Variants in CATSPERT observed in about 807,000 individuals in gnomAD.
CATSPERT encodes the protein cation channel sperm-associated targeting subunit tau.
At chr2:201,547,631 T>A in the CATSPERT span, 4 of 1,348,868 alleles carry the variant, frequency 3.0e-6, no homozygotes, top group East Asian at 7.2e-5. Context: ...AAATAAGTTA[T>A]GAATGAAAAA....
At chr2:201,545,274 T>C in the CATSPERT span, among the ~76,000 whole-genome samples, 6 of 151,914 alleles carry the variant, frequency 3.9e-5, no homozygotes, top group Non-Finnish European at 7.4e-5. Context: ...CCTGACCTCA[T>C]GATCCACCCG....
the CATSPERT span, chr2:201,604,713 A>G: frequency 6.4e-7 from 1 of 1,557,938 alleles, no homozygotes; most frequent in Non-Finnish European, 8.7e-7. Context: ...ATGTAAATAA[A>G]TTAAGATTTG....
At chr2:201,560,641 T>C in the CATSPERT span, among the ~76,000 whole-genome samples, 4 of 151,916 alleles carry the variant, frequency 2.6e-5, no homozygotes, top group Non-Finnish European at 4.4e-5. Context: ...AAACAAATTA[T>C]CACATTATGA....
the CATSPERT span, among the ~76,000 whole-genome samples, chr2:201,616,404 T>C: frequency 6.6e-6 from 1 of 152,104 alleles, no homozygotes; most frequent in African/African-American, 2.4e-5. Context: ...TGGTCCAACA[T>C]ATGCAAATCA....
the CATSPERT span, chr2:201,582,071 T>C: frequency 6.3e-7 from 1 of 1,590,688 alleles, no homozygotes; most frequent in South Asian, 1.2e-5. Flanking sequence ...GATACCAAGG[T>C]GAAAAAAATC....
the CATSPERT span, chr2:201,565,912 A>G: frequency 2.0e-6 from 3 of 1,532,942 alleles, no homozygotes; most frequent in Non-Finnish European, 2.6e-6. Flanking sequence ...AAATTATACA[A>G]AAGTCCACTT....
chr2:201,608,834 G>C, the CATSPERT span, among the ~76,000 whole-genome samples: 119,466 of 145,764 alleles, frequency 0.82, 49,221 homozygotes, highest in East Asian at 0.96. Context: ...AAAAAAGAAA[G>C]AAACAAACAA....
the CATSPERT span, chr2:201,604,710 T>C: frequency 1.9e-6 from 3 of 1,558,764 alleles, no homozygotes; most frequent in South Asian, 2.4e-5. Flanking sequence ...ACAATGTAAA[T>C]AAATTAAGAT....
At chr2:201,510,293 A>G in the CATSPERT span, among the ~76,000 whole-genome samples, 1 of 143,254 alleles carries the variant, frequency 7.0e-6, no homozygotes. Context: ...AAAATACAAC[A>G]ATTAGCCAGG....
chr2:201,612,105 G>A, the CATSPERT span, among the ~76,000 whole-genome samples: 2 of 152,290 alleles, frequency 1.3e-5, no homozygotes, highest in Admixed American at 1.3e-4. Context: ...TCTTTGTACT[G>A]TGCTAAGCAC....
the CATSPERT span, among the ~76,000 whole-genome samples, chr2:201,613,943 G>A: frequency 6.6e-6 from 1 of 152,046 alleles, no homozygotes; most frequent in African/African-American, 2.4e-5. Flanking sequence ...TTGATCAAGT[G>A]GAAGAAAGGG....
chr2:201,533,166 A>G, the CATSPERT span, among the ~76,000 whole-genome samples: 1 of 152,202 alleles, frequency 6.6e-6, no homozygotes, highest in Non-Finnish European at 1.5e-5. Flanking sequence ...GGAAGCCCAC[A>G]AAATCTTTAA....
the CATSPERT span, among the ~76,000 whole-genome samples, chr2:201,521,077 A>G: frequency 2.4e-4 from 37 of 152,304 alleles, no homozygotes; most frequent in South Asian, 4.1e-4. Flanking sequence ...GAACAGACCA[A>G]TAAGAAGTAA....
At chr2:201,492,562 G>T in the CATSPERT span, 1 of 1,534,078 alleles carries the variant, frequency 6.5e-7, no homozygotes, top group Non-Finnish European at 8.7e-7. Flanking sequence ...AGATATGTTT[G>T]GGTATATAGT....
chr2:201,505,565 G>C, the CATSPERT span, among the ~76,000 whole-genome samples: 1 of 152,114 alleles, frequency 6.6e-6, no homozygotes, highest in East Asian at 1.9e-4. Flanking sequence ...ACAGATTGGG[G>C]ACATTCTGCA....
the CATSPERT span, among the ~76,000 whole-genome samples, chr2:201,529,873 T>C: frequency 6.6e-6 from 1 of 152,070 alleles, no homozygotes; most frequent in East Asian, 1.9e-4. Context: ...GGGGCTAATA[T>C]TCAAAATATA....
the CATSPERT span, chr2:201,487,482 G>A: frequency 1.2e-6 from 1 of 866,404 alleles, no homozygotes; most frequent in Admixed American, 3.0e-5. Flanking sequence ...TTTGGTTGCT[G>A]ACTTCTGTCA....
chr2:201,584,938 T>C, the CATSPERT span, among the ~76,000 whole-genome samples: 4 of 151,654 alleles, frequency 2.6e-5, no homozygotes, highest in African/African-American at 7.3e-5. Flanking sequence ...GAAAAAAATA[T>C]ATAACACACA....
chr2:201,603,383 G>T, the CATSPERT span: 1 of 877,396 alleles, frequency 1.1e-6, no homozygotes. Flanking sequence ...CCACGTTGTT[G>T]GTTTTTCTCA....
Sources: gnomAD v4.1 joint callset for allele counts (sites outside exome capture counted in the v4.1 genomes callset) on GRCh38, gnomAD v4.1.1 for gene constraint, MANE v1.5 for transcripts, NCBI Gene and HGNC (gene_info 2026-07-23, HGNC 2026-07-21) for gene names.